Variants in SLC47A2 observed in about 807,000 individuals in gnomAD.
SLC47A2 encodes the protein multidrug and toxin extrusion protein 2.
In SLC47A2, 52 loss-of-function variants were observed where a neutral mutation model predicts 67.7. The observed-to-expected ratio is 0.77, with a 90% CI of 0.61 to 0.97. The LOEUF is 0.97. SLC47A2 is among the 50% of genes least tolerant of loss of function. SLC47A2 has a pLI of 0.00. For missense variants in SLC47A2, 676 were observed against 712.3 expected (o/e 0.95, Z 0.58); for synonymous variants, 278 against 292.9 (o/e 0.95, Z 0.52).
chr17:19,702,523 C>T, intron 13 of SLC47A2, 82 bp downstream of exon 13: 11 of 1,581,438 alleles, frequency 7.0e-6, no homozygotes, highest in South Asian at 5.8e-5. Context: ...TTCATCCTCA[C>T]AGCCCTGCGA....
intron 1 of SLC47A2, chr17:19,716,178 A>G: frequency 2.1e-6 from 1 of 482,786 alleles, no homozygotes; most frequent in Non-Finnish European, 3.6e-6. Flanking sequence ...GTGGGTTTCC[A>G]GCTGAGGCAC....
chr17:19,707,619 G>A (rs939863951), intron 8 of SLC47A2, 127 bp downstream of exon 8: 23 of 748,670 alleles, frequency 3.1e-5, no homozygotes, highest in Middle Eastern at 3.8e-4. Context: ...GGAGGGGGCC[G>A]TGCAGGGTCC....
chr17:19,716,699 C>T (rs2086278992), upstream of SLC47A2: 4 of 1,259,342 alleles, frequency 3.2e-6, no homozygotes, highest in Middle Eastern at 2.8e-4. Flanking sequence ...ACCATGGCAA[C>T]TTGTGGGATG....
chr17:19,705,127 T>C, intron 10 of SLC47A2: 1 of 420,250 alleles, frequency 2.4e-6, no homozygotes, highest in Non-Finnish European at 4.2e-6. Context: ...CAGCCTGGAA[T>C]GTGCATTTTT....
intron 10 of SLC47A2, 46 bp downstream of exon 10, chr17:19,705,389 GC>G (rs1247586650): frequency 5.1e-6 from 8 of 1,564,162 alleles, no homozygotes; most frequent in Non-Finnish European, 7.0e-6. Flanking sequence ...GACACCTCCA[GC>G]CATCAGGTGG....
chr17:19,681,235 AAAAC>A, intron 15 of SLC47A2, 128 bp downstream of exon 15: 1 of 732,948 alleles, frequency 1.4e-6, no homozygotes, highest in South Asian at 1.9e-5. Context: ...ACAAAAAAAA[AAAAC>A]ACCTGCAGCT....
At chr17:19,696,333 G>A (rs905723736) in intron 13 of SLC47A2, among the ~76,000 whole-genome samples, 10 of 150,750 alleles carry the variant, frequency 6.6e-5, no homozygotes, top group African/African-American at 1.7e-4. Context: ...AGAGTGGTGC[G>A]CACCTGTAGT....
intron 13 of SLC47A2, 119 bp downstream of exon 13, chr17:19,702,486 A>G: frequency 6.6e-7 from 1 of 1,521,802 alleles, no homozygotes; most frequent in South Asian, 1.2e-5. Flanking sequence ...CTTACTATAC[A>G]GTTAGCCCTT....
At chr17:19,680,371 T>A (rs1447864139) in intron 15 of SLC47A2, among the ~76,000 whole-genome samples, 3 of 152,090 alleles carry the variant, frequency 2.0e-5, no homozygotes, top group Non-Finnish European at 4.4e-5. Flanking sequence ...TCCCAGCTAC[T>A]CAGGAGGCTG....
At chr17:19,703,838 T>C (rs1185702924) in intron 11 of SLC47A2, among the ~76,000 whole-genome samples, 1 of 150,824 alleles carries the variant, frequency 6.6e-6, no homozygotes. Context: ...AGGGAAGGAG[T>C]GAGTGGGGAT....
At chr17:19,704,648 C>T (rs763722013) in intron 10 of SLC47A2, 87 of 1,546,554 alleles carry the variant, frequency 5.6e-5, no homozygotes, top group African/African-American at 8.2e-5. Context: ...CATGCAGATG[C>T]GTACCCGAGT....
chr17:19,697,217 G>C (rs984745969), intron 13 of SLC47A2, among the ~76,000 whole-genome samples: 18 of 152,214 alleles, frequency 1.2e-4, no homozygotes, highest in Non-Finnish European at 2.4e-4. Flanking sequence ...AGAATGGCAT[G>C]AACCCGGGAG....
In SLC47A2 at chr17:19,681,589, C is replaced by G; in HGVS notation, c.1246G>C (p.Gly416Arg). The G allele has an allele frequency of 6.2e-7, 1 of 1,614,112 alleles. No individual in the cohort carries two copies. The highest frequency in any genetic ancestry group is 1.3e-5 in the African/African-American group (1 of 75,018). The change falls in exon 14 of 17, where the codon GGC becomes CGC. Residue 416 changes from glycine to arginine, a missense_variant. Transcript: ENST00000433844. ...GTCAGAAGGATGCCCAGTGGTAGGC[C>G]GATGATGTAATATGTGATGGCATTC... ...AVNAITYYII[G>R]LPLGILLTFV...
intron 2 of SLC47A2, 55 bp downstream of exon 2, chr17:19,715,061 G>T (rs2086214545): frequency 7.6e-6 from 12 of 1,573,164 alleles, no homozygotes; most frequent in South Asian, 2.2e-5. Context: ...CCGGGAACCC[G>T]GTGGAGAAGC....
chr17:19,713,916 C>A lies in SLC47A2; in HGVS notation c.352G>T (p.Val118Phe), dbSNP rs772775824. ...VGVILQRGAL[V>F]LLLCCLPCWA... ...CAAGGGAGGCAGCAGAGGAGCAGGA[C>A]CAGCGCGCCCCGCTGCAGGATCACG... The change falls in exon 4 of 17, where the codon GTC becomes TTC. Residue 118 changes from valine (V) to phenylalanine (F), a missense_variant. Val to Phe is a conservative substitution (Grantham distance 50). Transcript: ENST00000433844. 1 of 1,613,776 alleles carries A rather than the reference C, an allele frequency of 6.2e-7. No individual in the cohort carries two copies. Among genetic ancestry groups the A allele is most frequent in the Non-Finnish European group, 8.5e-7 (1 of 1,179,898 alleles).
At chr17:19,714,604 G>A in intron 3 of SLC47A2, 117 bp downstream of exon 3, 1 of 1,185,268 alleles carries the variant, frequency 8.4e-7, no homozygotes, top group East Asian at 2.3e-5. Flanking sequence ...GCTGACCCCA[G>A]GGCCCATTGC....
At chr17:19,702,400 C>A (rs1308235027) in intron 13 of SLC47A2, 5 of 985,154 alleles carry the variant, frequency 5.1e-6, no homozygotes, top group South Asian at 4.7e-5. Context: ...CTTTTGAGCT[C>A]GTGTAAATTG....
intron 13 of SLC47A2, among the ~76,000 whole-genome samples, chr17:19,693,695 G>A (rs2085595181): frequency 6.6e-6 from 1 of 152,052 alleles, no homozygotes; most frequent in South Asian, 2.1e-4. Context: ...CTACTTGGGA[G>A]GCTGAGGCAG....
intron 10 of SLC47A2, chr17:19,704,622 C>A (rs1045292494): frequency 6.6e-7 from 1 of 1,512,568 alleles, no homozygotes; most frequent in East Asian, 2.5e-5. Context: ...TTGCTTAAAG[C>A]TGGGGTCAGG....
Sources: allele counts gnomAD v4.1 joint callset (sites outside exome capture counted in the v4.1 genomes callset), GRCh38; gene constraint gnomAD v4.1.1; transcripts MANE v1.5; gene names NCBI Gene and HGNC (gene_info 2026-07-23, HGNC 2026-07-21).